KDM5B: variants seen among roughly 807,000 people sequenced by gnomAD.
KDM5B encodes lysine demethylase 5B.
A neutral mutation model predicts 193.4 loss-of-function variants in KDM5B; 144 were observed. That is an observed-to-expected ratio of 0.74 (90% CI 0.65 to 0.86). KDM5B has a LOEUF of 0.86. Among genes scored for constraint, KDM5B ranks in the 40% least tolerant of loss-of-function variants. The pLI is 0.00. For missense variants in KDM5B, 1,833 were observed against 1,886.9 expected (o/e 0.97, Z 0.53); for synonymous variants, 668 against 682.6 (o/e 0.98, Z 0.33).
chr1:202,800,043 T>C (rs753444187), intron 1 of KDM5B, among the ~76,000 whole-genome samples: 2 of 152,166 alleles, frequency 1.3e-5, no homozygotes, highest in African/African-American at 2.4e-5. Flanking sequence ...AAAGGGACTT[T>C]TGTTTTGTTT....
intron 12 of KDM5B, among the ~76,000 whole-genome samples, chr1:202,751,527 T>C (rs1272407123): frequency 6.6e-6 from 1 of 152,102 alleles, no homozygotes; most frequent in Non-Finnish European, 1.5e-5. Context: ...AGGAACACCA[T>C]ATCTTCTACT....
At chr1:202,745,799 G>C (rs980467109) in intron 16 of KDM5B, 59 bp downstream of exon 16, 2 of 1,584,654 alleles carry the variant, frequency 1.3e-6, no homozygotes, top group African/African-American at 2.7e-5. Flanking sequence ...ACTTTAATTT[G>C]GCTACATCAC....
At chr1:202,795,377 C>T (rs1404572517) in intron 1 of KDM5B, among the ~76,000 whole-genome samples, 5 of 151,094 alleles carry the variant, frequency 3.3e-5, no homozygotes, top group Admixed American at 6.6e-5. Flanking sequence ...AGAAGCTGGG[C>T]GCAGTGGCTC....
At chr1:202,746,472 A>G in intron 14 of KDM5B, 149 bp from the exon 15 acceptor site, 1 of 546,492 alleles carries the variant, frequency 1.8e-6, no homozygotes, top group South Asian at 3.3e-5. Flanking sequence ...GCATACAAAG[A>G]AACAAATGAC....
At chr1:202,735,173 C>T (rs1415138615) in intron 22 of KDM5B, among the ~76,000 whole-genome samples, 1 of 152,174 alleles carries the variant, frequency 6.6e-6, no homozygotes, top group Non-Finnish European at 1.5e-5. Flanking sequence ...CCTGGATCAA[C>T]CCACAGGCAC....
intron 1 of KDM5B, among the ~76,000 whole-genome samples, chr1:202,799,352 G>T (rs1193851185): frequency 2.0e-5 from 3 of 152,040 alleles, no homozygotes; most frequent in Non-Finnish European, 4.4e-5. Flanking sequence ...AGAGGAACTG[G>T]CTTTTGAAAA....
intron 1 of KDM5B, among the ~76,000 whole-genome samples, chr1:202,792,640 T>C (rs778030418): frequency 3.9e-5 from 6 of 152,176 alleles, no homozygotes; most frequent in Non-Finnish European, 7.3e-5. Flanking sequence ...TGCAGCTTAC[T>C]ATTGTTATTA....
Position 202,808,255 on chromosome 1 carries a change from G to T in KDM5B, c.51C>A (p.Leu17=). The T allele has an allele frequency of 6.2e-7, 1 of 1,610,612 alleles. No homozygotes were observed. The highest frequency in any genetic ancestry group is 1.1e-5 in the South Asian group (1 of 90,930). The stretch of plus-strand genomic sequence containing the variant: ...ACTCGCCCAGCGGGCCCGGGCCCCC[G>T]AGGGGCAGCGCCGGGCGCGGGCCTG... The part of the protein sequence containing the change: ...LHPGPRPALP[L]GGPGPLGEFL... The change falls in exon 1 of 27, where the codon CTC becomes CTA. Residue 17 remains leucine, a synonymous_variant. Transcript: ENST00000367265.
At chr1:202,765,226 T>C (rs1394264312) in intron 5 of KDM5B, among the ~76,000 whole-genome samples, 3 of 94,104 alleles carry the variant, frequency 3.2e-5, no homozygotes, top group East Asian at 3.6e-4. Flanking sequence ...TTTAATAAAC[T>C]ATTATTATAA....
intron 1 of KDM5B, chr1:202,796,702 C>A: frequency 1.1e-5 from 2 of 179,680 alleles, no homozygotes; most frequent in South Asian, 1.4e-4. Context: ...CCTTCTCAGC[C>A]CTGTACTGGT....
At chr1:202,766,782 G>T in intron 5 of KDM5B, 144 bp downstream of exon 5, 1 of 880,702 alleles carries the variant, frequency 1.1e-6, no homozygotes, top group Non-Finnish European at 1.7e-6. Flanking sequence ...AAGTGTAAAA[G>T]CTGGAATACA....
chr1:202,730,064 G>GGGTC (rs1376547246), intron 25 of KDM5B, 37 bp from the exon 26 acceptor site: 4 of 1,525,492 alleles, frequency 2.6e-6, no homozygotes, highest in South Asian at 2.5e-5. Context: ...TTTCGCCTAT[G>GGGTC]GGTCACCTAT....
Position 202,758,599 on chromosome 1 carries a change from CTTTAA to C in KDM5B, c.1078-94_1078-90del. ...TCAAGCTGGCAGATAAAAAACAAGG[CTTTAA>C]TTTGTTTATTTTACTTCTATGCTAG... On this transcript the variant is annotated intron_variant, in intron 8 of 26. Coordinates refer to ENST00000367265, the MANE Select transcript of KDM5B (RefSeq NM_006618.5). The C allele has an allele frequency of 5.4e-6, 6 of 1,120,330 alleles. No individual in the cohort carries two copies. In the East Asian group the frequency reaches 7.8e-5, roughly 15 times the overall value. 69.4% of individuals were successfully genotyped at this position (1,120,330 alleles called of 1,614,324 possible). A position where few individuals can be genotyped will look rare whatever the true frequency, so the allele number is the denominator to read the frequency against.
chr1:202,798,053 CATG>C (rs1357894237), intron 1 of KDM5B, among the ~76,000 whole-genome samples: 4 of 152,086 alleles, frequency 2.6e-5, no homozygotes, highest in Non-Finnish European at 1.5e-5. Flanking sequence ...ACTAGCTGGG[CATG>C]ATGGTATGCA....
At chr1:202,782,376 T>C (rs750437821) in intron 1 of KDM5B, among the ~76,000 whole-genome samples, 1 of 152,144 alleles carries the variant, frequency 6.6e-6, no homozygotes. Flanking sequence ...TTCTTTTCAT[T>C]TTAAGTAGAG....
At chr1:202,740,379 CCGGACAGGGCAGCCGGCCGGG>C (rs1655275927) in intron 20 of KDM5B, among the ~76,000 whole-genome samples, 1 of 133,538 alleles carries the variant, frequency 7.5e-6, no homozygotes, top group Non-Finnish European at 1.7e-5. Flanking sequence ...CACCTCCCTC[CCGGACAGGGCAGCCGGCCGGG>C]TGGGGGTCTG....
In KDM5B at chr1:202,725,867, A is replaced by T. The variant is rs1654658259; in HGVS notation, c.*3169T>A. On this transcript the variant is annotated 3_prime_UTR_variant, in exon 27 of 27. Coordinates refer to ENST00000367265, the MANE Select transcript of KDM5B (RefSeq NM_006618.5). ...GTATGTGTCATATGGCAAGAAACAT[A>T]GGCAAGACTGAGCCCAGAAAAACAC... 1.3e-5 allele frequency: 2 copies of T among 152,264 alleles called. No individual in the cohort carries two copies. The highest frequency in any genetic ancestry group is 2.9e-5 in the Non-Finnish European group (2 of 68,058). 9.4% of individuals were successfully genotyped at this position (152,264 alleles called of 1,614,324 possible).
At chr1:202,751,484 T>C (rs536984796) in intron 12 of KDM5B, among the ~76,000 whole-genome samples, 1 of 152,266 alleles carries the variant, frequency 6.6e-6, no homozygotes, top group East Asian at 1.9e-4. Flanking sequence ...AATACGGCCT[T>C]CAGGGTTCTG....
Position 202,741,407 on chromosome 1 carries a change from C to G in KDM5B, c.2905G>C (p.Glu969Gln). Residue 969 changes from glutamate (E) to glutamine (Q), a missense_variant, in exon 19 of 27, where the codon GAG becomes CAG. Glu to Gln is a conservative substitution (Grantham distance 29). Around this residue, in one of 3 missense-constraint regions of KDM5B, gnomAD observed 1,379 missense variants for 1,349.6 expected, o/e 1.02. Coordinates refer to ENST00000367265, the MANE Select transcript of KDM5B (RefSeq NM_006618.5). ...CTCTTGGCTTTGTCGTCCCAGTGCT[C>G]TGACACTGTGAGCAGTTCCTGCAGC... ...ARLQELLTVS[E>Q]HWDDKAKSLL... 1 of 1,586,574 alleles carries G rather than the reference C, an allele frequency of 6.3e-7. No individual in the cohort carries two copies. The highest frequency in any genetic ancestry group is 8.6e-7 in the Non-Finnish European group (1 of 1,165,544).
Sources: allele counts gnomAD v4.1 joint callset (sites outside exome capture counted in the v4.1 genomes callset), GRCh38; gene constraint gnomAD v4.1.1; regional missense constraint gnomAD v4.1.1; transcripts MANE v1.5; gene names NCBI Gene and HGNC (gene_info 2026-07-23, HGNC 2026-07-21).